Variants in TM2D1 observed in about 807,000 individuals in gnomAD.
TM2D1 encodes TM2 domain containing 1, also known as TM2 domain-containing protein 1.
TM2D1 carries 15 observed loss-of-function variants against 28.4 expected under a neutral mutation model. That is an observed-to-expected ratio of 0.53 (90% confidence interval 0.35 to 0.81). The LOEUF is 0.81. Ranked by LOEUF, TM2D1 falls within the 40% of genes least tolerant of loss-of-function variation. The probability of loss-of-function intolerance (pLI) is 0.01; values close to 1 mark genes in which losing one functional copy is unlikely to be tolerated. For missense variants in TM2D1, 236 were observed against 254.9 expected, an observed-to-expected ratio of 0.93 and a Z score of 0.50; for synonymous variants, 93 against 96.2, an observed-to-expected ratio of 0.97 and a Z score of 0.20.
rs1034003468 is a variant in TM2D1, at chr1:61,717,206, A to AC, written c.238+6506_238+6507insG. ...TACTAAAAATACAAAACAAAACAAA[A>AC]AAAAAAAAACAATTAGCCGGGCGTG... On this transcript the variant is annotated intron_variant, in intron 2 of 6. Coordinates refer to ENST00000606498, the MANE Select transcript of TM2D1 (RefSeq NM_032027.3). Among the ~76,000 whole-genome samples, 465 of 145,326 alleles carry AC rather than the reference A, an allele frequency of 3.2e-3. 3 individuals are homozygous for AC. Among genetic ancestry groups the AC allele is most frequent in the African/African-American group, 0.012 (439 of 35,254 alleles).
At chr1:61,689,305 A>C (rs1282849224) in intron 5 of TM2D1, among the ~76,000 whole-genome samples, 1 of 152,236 alleles carries the variant, frequency 6.6e-6, no homozygotes, top group Admixed American at 6.5e-5. Flanking sequence ...GATTTTTTAA[A>C]AGATAAAAAT....
At chr1:61,690,456 C>CAAAAAAAA (rs762550068) in intron 5 of TM2D1, among the ~76,000 whole-genome samples, 9 of 60,024 alleles carry the variant, frequency 1.5e-4, no homozygotes, top group East Asian at 1.3e-3. Context: ...GACTCAGTCT[C>CAAAAAAAA]AAAAAAAAAA....
Position 61,709,424 on chromosome 1 carries a change from T to C in TM2D1, c.252A>G (p.Pro84=). ...AATCCTTACAAGTTATGTTGGGTGC[T>C]GGAAAACAGGAAACTGAAGGCAGAA... ...TNYTAHVSCF[P]APNITCKDSS... The change falls in exon 3 of 7, where the codon CCA becomes CCG. Residue 84 remains proline (P), a synonymous_variant. Transcript: ENST00000606498. 1 of 1,612,454 alleles carries C rather than the reference T, an allele frequency of 6.2e-7. No individual in the cohort carries two copies. Among genetic ancestry groups the C allele is most frequent in the Non-Finnish European group, 8.5e-7 (1 of 1,178,992 alleles).
intron 1 of TM2D1, 23 bp from the exon 2 acceptor site, chr1:61,723,809 T>A: frequency 1.7e-6 from 2 of 1,173,904 alleles, no homozygotes; most frequent in Non-Finnish European, 2.5e-6. Context: ...GTTAAGGAAA[T>A]ACGGACTACA....
chr1:61,696,658 G>A (rs966169708), intron 4 of TM2D1, among the ~76,000 whole-genome samples: 2 of 151,972 alleles, frequency 1.3e-5, no homozygotes, highest in African/African-American at 4.8e-5. Flanking sequence ...TCAGGGCTTT[G>A]GCTTTTTTTG....
chr1:61,724,198 G>A (rs550126655), intron 1 of TM2D1: 6 of 153,188 alleles, frequency 3.9e-5, no homozygotes, highest in African/African-American at 1.4e-4. Context: ...TTCATGGTGA[G>A]GGGGATGCGG....
At position 61,720,656 on chromosome 1, in the gene TM2D1, C is replaced by A. The variant is rs569320727; in HGVS notation, c.238+3057G>T. The stretch of plus-strand genomic sequence containing the variant: ...TAATAAATAAATATAAATAAATGAA[C>A]AAATTCTCAATCAATAACAATATTT... On this transcript the variant is annotated intron_variant, in intron 2 of 6. Transcript: ENST00000606498. Among the ~76,000 whole-genome samples, 345 of 152,160 alleles carry A rather than the reference C, an allele frequency of 2.3e-3. 1 individual carries two copies. The highest frequency in any genetic ancestry group is 3.6e-3 in the Non-Finnish European group (243 of 67,984).
chr1:61,713,161 C>T (rs959351244), intron 2 of TM2D1, among the ~76,000 whole-genome samples: 8 of 142,270 alleles, frequency 5.6e-5, no homozygotes, highest in Non-Finnish European at 1.2e-4. Context: ...TAGAATGAGA[C>T]TCCACCTCAA....
intron 4 of TM2D1, chr1:61,698,686 A>G (rs1218513406): frequency 6.6e-6 from 1 of 151,790 alleles, no homozygotes; most frequent in African/African-American, 2.4e-5. Context: ...AAGTAGGACC[A>G]CTGCTTTTCA....
At chr1:61,706,451 G>A (rs1055076943) in intron 3 of TM2D1, among the ~76,000 whole-genome samples, 5 of 151,800 alleles carry the variant, frequency 3.3e-5, no homozygotes, top group Non-Finnish European at 5.9e-5. Flanking sequence ...GCCTGCCTTG[G>A]CCTCCCAAAG....
At chr1:61,711,650 T>C (rs1318036973) in intron 2 of TM2D1, among the ~76,000 whole-genome samples, 1 of 151,474 alleles carries the variant, frequency 6.6e-6, no homozygotes, top group Non-Finnish European at 1.5e-5. Flanking sequence ...TACAAAGAGA[T>C]GTGGCAGAAC....
At chr1:61,723,318 T>C (rs1436105514) in intron 2 of TM2D1, among the ~76,000 whole-genome samples, 1 of 152,126 alleles carries the variant, frequency 6.6e-6, no homozygotes, top group African/African-American at 2.4e-5. Flanking sequence ...CCAAGAACTA[T>C]CAGGTAAGTA....
chr1:61,717,518 C>T (rs1026665478), intron 2 of TM2D1, among the ~76,000 whole-genome samples: 8 of 152,136 alleles, frequency 5.3e-5, no homozygotes, highest in African/African-American at 1.9e-4. Flanking sequence ...AATATCAATT[C>T]CAGCCAATAA....
intron 2 of TM2D1, among the ~76,000 whole-genome samples, chr1:61,718,357 TAA>T (rs1348668717): frequency 6.6e-6 from 1 of 152,072 alleles, no homozygotes; most frequent in Non-Finnish European, 1.5e-5. Context: ...TTTTTGGCAT[TAA>T]AAGAGTTCTC....
chr1:61,692,602 A>C (rs1644336298), intron 5 of TM2D1, among the ~76,000 whole-genome samples: 1 of 152,090 alleles, frequency 6.6e-6, no homozygotes, highest in Non-Finnish European at 1.5e-5. Flanking sequence ...AATAAACAAA[A>C]AGATGAGCCA....
intron 3 of TM2D1, among the ~76,000 whole-genome samples, chr1:61,704,232 G>A (rs1355051831): frequency 1.3e-5 from 2 of 151,908 alleles, no homozygotes; most frequent in African/African-American, 2.4e-5. Flanking sequence ...AATATAAAAC[G>A]TATCACCAAC....
intron 2 of TM2D1, among the ~76,000 whole-genome samples, chr1:61,713,701 A>T (rs1644495804): frequency 6.6e-6 from 1 of 152,048 alleles, no homozygotes; most frequent in Non-Finnish European, 1.5e-5. Flanking sequence ...CTTTCTTGTC[A>T]TACAGCCTTG....
chr1:61,713,974 C>T (rs1035468027), intron 2 of TM2D1, among the ~76,000 whole-genome samples: 1 of 145,304 alleles, frequency 6.9e-6, no homozygotes, highest in Non-Finnish European at 1.5e-5. Context: ...CGGCTCACTG[C>T]AAGCTCCGCT....
intron 5 of TM2D1, among the ~76,000 whole-genome samples, chr1:61,684,682 T>TAGC (rs1557524036): frequency 1.3e-5 from 2 of 152,110 alleles, no homozygotes; most frequent in East Asian, 3.9e-4. Context: ...ATCATTATTA[T>TAGC]AACAAGTTGA....
Sources: gnomAD v4.1 joint callset for allele counts (sites outside exome capture counted in the v4.1 genomes callset) on GRCh38, gnomAD v4.1.1 for gene constraint, MANE v1.5 for transcripts, NCBI Gene and HGNC (gene_info 2026-07-23, HGNC 2026-07-21) for gene names.